CCDC192: variants seen among roughly 807,000 people sequenced by gnomAD.
The protein encoded by CCDC192 is coiled-coil domain-containing protein 192.
chr5:127,817,822 A>T (rs1355609278), intron 5 of CCDC192, among the ~76,000 whole-genome samples: 1 of 152,202 alleles, frequency 6.6e-6, no homozygotes, highest in Non-Finnish European at 1.5e-5. Context: ...AAGAATCTAA[A>T]TGCATATCTA....
chr5:127,756,681 C>G (rs1189306759), intron 3 of CCDC192, among the ~76,000 whole-genome samples: 1 of 152,244 alleles, frequency 6.6e-6, no homozygotes, highest in East Asian at 1.9e-4. Flanking sequence ...AATCTTGCAG[C>G]TAATTTGGTA....
intron 6 of CCDC192, among the ~76,000 whole-genome samples, chr5:127,884,992 C>T (rs1752508243): frequency 6.6e-6 from 1 of 152,106 alleles, no homozygotes; most frequent in Admixed American, 6.6e-5. Context: ...TGTGGGAATT[C>T]AATGATGTCA....
chr5:127,720,179 G>A (rs925384180), intron 2 of CCDC192, among the ~76,000 whole-genome samples: 1 of 152,194 alleles, frequency 6.6e-6, no homozygotes, highest in Non-Finnish European at 1.5e-5. Flanking sequence ...CTATGAGTAT[G>A]TAAAATCAAA....
chr5:127,797,349 T>C (rs969756311), intron 4 of CCDC192, 115 bp downstream of exon 4: 7 of 376,784 alleles, frequency 1.9e-5, no homozygotes, highest in Non-Finnish European at 3.3e-5. Flanking sequence ...AAGTTCATAA[T>C]GGTAAATAAC....
At chr5:127,703,360 C>T (rs1750784755), upstream of CCDC192, 1 of 398,452 alleles carries the variant, frequency 2.5e-6, no homozygotes. Context: ...GACAGCAGAG[C>T]AATAGCAGGG....
At chr5:127,910,296 T>A (rs1753310998) in intron 6 of CCDC192, among the ~76,000 whole-genome samples, 1 of 152,214 alleles carries the variant, frequency 6.6e-6, no homozygotes, top group Admixed American at 6.5e-5. Context: ...GCTTTTGGCA[T>A]CTTCACTAAA....
chr5:127,933,746 C>G (rs1754115707), intron 6 of CCDC192, among the ~76,000 whole-genome samples: 1 of 152,010 alleles, frequency 6.6e-6, no homozygotes, highest in South Asian at 2.1e-4. Context: ...AAGGTAAGGT[C>G]TTTAGGAGGT....
chr5:127,819,701 C>A (rs1440005657), intron 5 of CCDC192, among the ~76,000 whole-genome samples: 1 of 152,106 alleles, frequency 6.6e-6, no homozygotes, highest in African/African-American at 2.4e-5. Context: ...ACCATAGATT[C>A]TGAAATCCTT....
At chr5:127,810,011 C>T (rs927338045) in intron 5 of CCDC192, among the ~76,000 whole-genome samples, 4 of 152,284 alleles carry the variant, frequency 2.6e-5, no homozygotes, top group Middle Eastern at 6.8e-3. Context: ...CTGCTATTTT[C>T]TTACATCTGT....
chr5:127,830,487 A>G (rs1162632682), intron 5 of CCDC192, among the ~76,000 whole-genome samples: 1 of 152,098 alleles, frequency 6.6e-6, no homozygotes, highest in East Asian at 1.9e-4. Context: ...GCGTCCTTAT[A>G]TGATCTTCCC....
chr5:127,873,356 T>C (rs1166399208), intron 5 of CCDC192, among the ~76,000 whole-genome samples: 6 of 152,194 alleles, frequency 3.9e-5, no homozygotes, highest in Non-Finnish European at 8.8e-5. Context: ...CCCTAATATC[T>C]TATAATGAAA....
chr5:127,784,080 A>T, intron 3 of CCDC192, among the ~76,000 whole-genome samples: 1 of 152,218 alleles, frequency 6.6e-6, no homozygotes, highest in Non-Finnish European at 1.5e-5. Flanking sequence ...ATACTTATCC[A>T]TTCTGTTGTT....
rs145733405 is a variant in CCDC192 at position 127,770,637 on chromosome 5, G to T, written c.222+16262G>T. Reference sequence around the variant, plus strand: ...AGGGATGGTACATTATTTAATTTTAGATGCTATATCATGACAATTTTCATC... The same window carrying T: ...AGGGATGGTACATTATTTAATTTTATATGCTATATCATGACAATTTTCATC... On this transcript the variant is annotated intron_variant, in intron 3 of 6. Coordinates refer to ENST00000514853, the MANE Select transcript of CCDC192 (RefSeq NM_001317938.2). Among the ~76,000 whole-genome samples the T allele has an allele frequency of 2.6e-3, 391 of 152,262 alleles. 8 individuals are homozygous for T. The East Asian group carries it at 0.05, about 19-fold the overall frequency.
At chr5:127,731,343 C>T (rs1004500117) in intron 2 of CCDC192, among the ~76,000 whole-genome samples, 1 of 152,114 alleles carries the variant, frequency 6.6e-6, no homozygotes, top group African/African-American at 2.4e-5. Flanking sequence ...GAACTACAAA[C>T]TACTGCTTGA....
chr5:127,803,618 T>C (rs1757625319), intron 5 of CCDC192, among the ~76,000 whole-genome samples: 1 of 152,188 alleles, frequency 6.6e-6, no homozygotes, highest in Non-Finnish European at 1.5e-5. Context: ...TATAAGTGCT[T>C]AGCCCCATCT....
intron 5 of CCDC192, among the ~76,000 whole-genome samples, chr5:127,855,018 C>A (rs1751000925): frequency 6.6e-6 from 1 of 152,076 alleles, no homozygotes; most frequent in Admixed American, 6.5e-5. Flanking sequence ...AAAATGTTAA[C>A]AATTATCCGA....
intron 3 of CCDC192, among the ~76,000 whole-genome samples, chr5:127,776,846 C>A (rs11948729): frequency 2.6e-5 from 4 of 152,182 alleles, no homozygotes. Flanking sequence ...GTTGAGCCTG[C>A]GCGTGCAGAG....
intron 3 of CCDC192, among the ~76,000 whole-genome samples, chr5:127,796,093 G>A (rs1285969342): frequency 6.6e-6 from 1 of 152,204 alleles, no homozygotes; most frequent in Non-Finnish European, 1.5e-5. Flanking sequence ...TGAGCGTGTG[G>A]CTGGATGGTT....
At chr5:127,845,975 TAAGTAGC>T (rs1342729845) in intron 5 of CCDC192, among the ~76,000 whole-genome samples, 1 of 152,122 alleles carries the variant, frequency 6.6e-6, no homozygotes, top group Admixed American at 6.6e-5. Flanking sequence ...AGGGCCTAGA[TAAGTAGC>T]ATTCAATAAT....
Sources: gnomAD v4.1 joint callset for allele counts (sites outside exome capture counted in the v4.1 genomes callset) on GRCh38, gnomAD v4.1.1 for gene constraint, MANE v1.5 for transcripts, NCBI Gene and HGNC (gene_info 2026-07-23, HGNC 2026-07-21) for gene names.